Variants in FARS2 observed in about 807,000 individuals in gnomAD.
FARS2 encodes the protein phenylalanine--tRNA ligase, mitochondrial.
A neutral mutation model predicts 46.4 loss-of-function variants in FARS2; 40 were observed. That is an observed-to-expected ratio of 0.86 (90% confidence interval 0.67 to 1.12). The LOEUF (loss-of-function observed/expected upper bound fraction) is 1.12, where lower values mean the gene tolerates loss of function less well. Among genes scored for constraint, FARS2 ranks in the 50% most tolerant of loss-of-function variants. The pLI, the probability that FARS2 is intolerant of heterozygous loss-of-function variation, is 0.00. For missense variants in FARS2, 513 were observed against 567.9 expected (o/e 0.90, Z 0.98); for synonymous variants, 234 against 214.9 (o/e 1.09, Z -0.78).
intron 6 of FARS2, among the ~76,000 whole-genome samples, chr6:5,709,619 A>G (rs2150899059): frequency 6.6e-6 from 1 of 151,496 alleles, no homozygotes; most frequent in East Asian, 2.0e-4. Context: ...TCGGAAGACA[A>G]TGACATTGAG....
intron 1 of FARS2, among the ~76,000 whole-genome samples, chr6:5,314,700 C>A (rs1769324855): frequency 6.6e-6 from 1 of 152,188 alleles, no homozygotes; most frequent in African/African-American, 2.4e-5. Context: ...ATTCTCCTCA[C>A]ACTTGTGACC....
At chr6:5,535,644 A>G (rs1364322701) in intron 4 of FARS2, among the ~76,000 whole-genome samples, 1 of 152,168 alleles carries the variant, frequency 6.6e-6, no homozygotes, top group East Asian at 1.9e-4. Context: ...TTCACCATTG[A>G]GTATGATGTT....
intron 6 of FARS2, among the ~76,000 whole-genome samples, chr6:5,649,813 G>T (rs568952470): frequency 6.6e-6 from 1 of 152,304 alleles, no homozygotes; most frequent in South Asian, 2.1e-4. Flanking sequence ...GACTGATGGG[G>T]ACCCACAGGC....
intron 4 of FARS2, among the ~76,000 whole-genome samples, chr6:5,488,870 T>G (rs1766933472): frequency 6.6e-6 from 1 of 152,158 alleles, no homozygotes. Context: ...TTTTCAGGTG[T>G]TCGGATTTCT....
intron 6 of FARS2, among the ~76,000 whole-genome samples, chr6:5,646,786 G>A (rs906682105): frequency 6.6e-6 from 1 of 152,142 alleles, no homozygotes; most frequent in Non-Finnish European, 1.5e-5. Context: ...GTATTGTTTA[G>A]GGAATAATGT....
intron 6 of FARS2, among the ~76,000 whole-genome samples, chr6:5,763,067 T>G (rs1762567619): frequency 6.6e-6 from 1 of 152,082 alleles, no homozygotes; most frequent in Non-Finnish European, 1.5e-5. Context: ...TGTTAACTGA[T>G]GGAGCCCCAT....
chr6:5,667,999 C>T (rs922819050), intron 6 of FARS2: 1 of 152,242 alleles, frequency 6.6e-6, no homozygotes. Flanking sequence ...CAATCTCCTG[C>T]TCTATTACTT....
chr6:5,330,415 G>A (rs1160534193), intron 1 of FARS2, among the ~76,000 whole-genome samples: 3 of 152,092 alleles, frequency 2.0e-5, no homozygotes, highest in Admixed American at 6.5e-5. Context: ...TCAGTGTTAT[G>A]TATCCCAAGA....
chr6:5,761,214 A>G (rs1386499679), intron 6 of FARS2, among the ~76,000 whole-genome samples: 2 of 152,158 alleles, frequency 1.3e-5, no homozygotes, highest in Non-Finnish European at 2.9e-5. Flanking sequence ...TTTATTTAAC[A>G]TTTAGTATTA....
At chr6:5,297,305 A>G (rs1032092104) in intron 1 of FARS2, among the ~76,000 whole-genome samples, 1 of 152,204 alleles carries the variant, frequency 6.6e-6, no homozygotes, top group African/African-American at 2.4e-5. Flanking sequence ...AGTTCATGTT[A>G]TGAAGGATTC....
At chr6:5,623,436 G>A (rs961698840) in intron 6 of FARS2, among the ~76,000 whole-genome samples, 1 of 152,136 alleles carries the variant, frequency 6.6e-6, no homozygotes, top group Non-Finnish European at 1.5e-5. Flanking sequence ...CTTGTAGGCC[G>A]GGCACGGTGG....
chr6:5,287,676 C>T (rs990384780), intron 1 of FARS2, among the ~76,000 whole-genome samples: 3 of 152,164 alleles, frequency 2.0e-5, no homozygotes, highest in Non-Finnish European at 2.9e-5. Flanking sequence ...TGGAGGACCT[C>T]ATAGAATGCC....
chr6:5,752,304 C>T (rs1020554748), intron 6 of FARS2, among the ~76,000 whole-genome samples: 2 of 152,160 alleles, frequency 1.3e-5, no homozygotes, highest in East Asian at 1.9e-4. Context: ...TTTAATTACT[C>T]ATGGTAAATT....
rs539382655 is a variant in FARS2, at chr6:5,536,236, G to A, written c.905-8944G>A. On this transcript the variant is annotated intron_variant, in intron 4 of 6. Transcript: ENST00000274680. ...GCTAATTTTTTGTATTTTTAGTAGAGATGGAGTTTCACTGTCGATCTCCTG... is the reference window on the plus strand; with the variant it reads ...GCTAATTTTTTGTATTTTTAGTAGAAATGGAGTTTCACTGTCGATCTCCTG... Among the ~76,000 whole-genome samples, 53 of 152,134 alleles carry A rather than the reference G, an allele frequency of 3.5e-4. 1 individual carries two copies. The South Asian group carries it at 0.01, about 30-fold the overall frequency.
rs576303613 is a variant in FARS2 at position 5,414,391 on chromosome 6, C to T, written c.772+9690C>T. Among the ~76,000 whole-genome samples the T allele has an allele frequency of 2.9e-3, 436 of 152,276 alleles. 1 individual carries two copies. Among genetic ancestry groups the T allele is most frequent in the South Asian group, 0.018 (85 of 4,822 alleles). On this transcript the variant is annotated intron_variant, in intron 3 of 6. Transcript: ENST00000274680. The stretch of plus-strand genomic sequence containing the variant: ...AAAACGTTTCCTTGTGCTCCTTCAC[C>T]GTCCCTCTACCACCTCTTCTGCCCA...
chr6:5,763,620 A>G (rs951122648), intron 6 of FARS2, among the ~76,000 whole-genome samples: 1 of 152,148 alleles, frequency 6.6e-6, no homozygotes, highest in African/African-American at 2.4e-5. Context: ...CACAGTCATC[A>G]CAGGAGCTTG....
chr6:5,624,370 C>T (rs562834888), intron 6 of FARS2, among the ~76,000 whole-genome samples: 29 of 152,256 alleles, frequency 1.9e-4, no homozygotes, highest in African/African-American at 6.7e-4. Flanking sequence ...CCCTGCACAT[C>T]ACCATTTGCC....
intron 6 of FARS2, among the ~76,000 whole-genome samples, chr6:5,668,749 A>C (rs924594396): frequency 7.0e-6 from 1 of 142,604 alleles, no homozygotes; most frequent in Non-Finnish European, 1.5e-5. Flanking sequence ...GCTGGAGTGC[A>C]ATGACGTGAT....
intron 5 of FARS2, among the ~76,000 whole-genome samples, chr6:5,555,058 C>A (rs1046983139): frequency 6.6e-6 from 1 of 152,070 alleles, no homozygotes; most frequent in Non-Finnish European, 1.5e-5. Context: ...GTGGGAGGGA[C>A]CAGATGGCAG....
Sources: gnomAD v4.1 joint callset for allele counts (sites outside exome capture counted in the v4.1 genomes callset) on GRCh38, gnomAD v4.1.1 for gene constraint, MANE v1.5 for transcripts, NCBI Gene and HGNC (gene_info 2026-07-23, HGNC 2026-07-21) for gene names.